DLEC1: variants seen among roughly 807,000 people sequenced by gnomAD.
DLEC1 encodes DLEC1 cilia and flagella associated protein.
A neutral mutation model predicts 198.1 loss-of-function variants in DLEC1; 146 were observed. That is an observed-to-expected ratio of 0.74 (90% confidence interval 0.64 to 0.85). The LOEUF (loss-of-function observed/expected upper bound fraction) is 0.85, where lower values mean the gene tolerates loss of function less well. Ranked by LOEUF, DLEC1 falls within the 40% of genes least tolerant of loss-of-function variation. The probability of loss-of-function intolerance (pLI) is 0.00; values close to 1 mark genes in which losing one functional copy is unlikely to be tolerated. For synonymous variants in DLEC1, 897 were observed against 866.8 expected (o/e 1.03, Z -0.61); for missense variants, 2,233 against 2,220.0 (o/e 1.01, Z -0.12).
chr3:38,084,101 G>A (rs756342989), intron 6 of DLEC1, 57 bp from the exon 7 acceptor site: 31 of 1,500,966 alleles, frequency 2.1e-5, no homozygotes, highest in Admixed American at 1.7e-4. Context: ...CCTGGACATC[G>A]TATCATTTCG....
rs180863989 is a variant in DLEC1, at chr3:38,074,691, G to T, written c.1174-9467G>T. On this transcript the variant is annotated intron_variant, in intron 6 of 36. Coordinates refer to ENST00000308059, the MANE Select transcript of DLEC1 (RefSeq NM_007335.4). ...TCCTGGAGGTCAGGTTCATGAAGCCGGCGGTTATCAGCATGAGATTGGGCT... is the reference window on the plus strand; with the variant it reads ...TCCTGGAGGTCAGGTTCATGAAGCCTGCGGTTATCAGCATGAGATTGGGCT... Among the ~76,000 whole-genome samples the T allele has an allele frequency of 5.5e-3, 833 of 152,296 alleles. 4 individuals are homozygous for T. The highest frequency in any genetic ancestry group is 0.044 in the Middle Eastern group (13 of 294).
intron 18 of DLEC1, among the ~76,000 whole-genome samples, chr3:38,098,925 C>G (rs1699169109): frequency 6.6e-6 from 1 of 152,170 alleles, no homozygotes. Flanking sequence ...TACTTTCCCT[C>G]CCAGGGCTCA....
In DLEC1 at chr3:38,096,672, G is replaced by C; in HGVS notation, c.2275G>C (p.Glu759Gln). The C allele has an allele frequency of 2.5e-6, 4 of 1,613,554 alleles. No homozygotes were observed. The highest frequency in any genetic ancestry group is 3.4e-6 in the Non-Finnish European group (4 of 1,179,980). ...GSVEPFQVLL[E>Q]PYALIIPGEN... ...AGTAGAACCTTTCCAGGTTCTCTTA[G>C]AGCCATATGCCCTCATCATCCCAGG... Residue 759 changes from glutamate to glutamine, a missense_variant, in exon 15 of 37, where the codon GAG becomes CAG. Coordinates refer to ENST00000308059, the MANE Select transcript of DLEC1 (RefSeq NM_007335.4).
At chr3:38,076,937 T>A (rs1313650990) in intron 6 of DLEC1, among the ~76,000 whole-genome samples, 1 of 152,000 alleles carries the variant, frequency 6.6e-6, no homozygotes, top group African/African-American at 2.4e-5. Flanking sequence ...AGGGGTGATA[T>A]TGTGGGGTTG....
intron 2 of DLEC1, among the ~76,000 whole-genome samples, chr3:38,056,010 G>A (rs948965114): frequency 1.9e-4 from 28 of 151,140 alleles, no homozygotes; most frequent in Non-Finnish European, 2.9e-4. Context: ...CTTGAGCCCA[G>A]GAGTTTGAGA....
rs1486404617 is a variant in DLEC1, at chr3:38,084,500, A to AGTGGTGGTGGTGGTG, written c.1261+260_1261+261insGGTGGTGGTGGTGGT. 9.1e-5 allele frequency among the ~76,000 whole-genome samples: 3 copies of AGTGGTGGTGGTGGTG among 32,894 alleles called. No individual in the cohort carries two copies. In the South Asian group the frequency reaches 2.1e-3, roughly 23 times the overall value. 21.6% of individuals were successfully genotyped at this position (32,894 alleles called of 152,430 possible). On this transcript the variant is annotated intron_variant, in intron 7 of 36. Coordinates refer to ENST00000308059, the MANE Select transcript of DLEC1 (RefSeq NM_007335.4). The stretch of plus-strand genomic sequence containing the variant: ...TGGTGGTAGTAGTGGTGGTAGTAGT[A>AGTGGTGGTGGTGGTG]GTGGTAGTAGTAGTAGTGGTAGTAG...
In DLEC1 at chr3:38,097,097, G is replaced by C. The variant is rs1007497223; in HGVS notation, c.2341-85G>C. The C allele has an allele frequency of 4.6e-6, 6 of 1,304,980 alleles. No individual in the cohort carries two copies. In the African/African-American group the frequency reaches 8.9e-5, roughly 19 times the overall value. 80.8% of individuals were successfully genotyped at this position (1,304,980 alleles called of 1,614,324 possible). ...GAAGTGTCATATGGACTCTTTACGA[G>C]CCCACAATCCTACAGTCCTTCAGCA... On this transcript the variant is annotated intron_variant, in intron 15 of 36. Coordinates refer to ENST00000308059, the MANE Select transcript of DLEC1 (RefSeq NM_007335.4).
In DLEC1 at chr3:38,062,239, G is replaced by T. The variant is rs761685604; in HGVS notation, c.744G>T (p.Leu248=). 3.7e-6 allele frequency: 6 copies of T among 1,614,088 alleles called. No individual in the cohort carries two copies. Among genetic ancestry groups the T allele is most frequent in the Non-Finnish European group, 8.5e-7 (1 of 1,180,052 alleles). Residue 248 remains leucine, a synonymous_variant, in exon 4 of 37, where the codon CTG becomes CTT. Coordinates refer to ENST00000308059, the MANE Select transcript of DLEC1 (RefSeq NM_007335.4). Reference sequence around the variant, plus strand: ...AGCGTTCCGTCCAGAAGAAAGAGCTGAACAAGAAGCTTGAAGATTCATGCA... The same window carrying T: ...AGCGTTCCGTCCAGAAGAAAGAGCTTAACAAGAAGCTTGAAGATTCATGCA... ...CEKRSVQKKE[L]NKKLEDSCRK...
chr3:38,107,675 A>T lies in DLEC1; in HGVS notation c.2956A>T (p.Thr986Ser). 1 of 1,614,176 alleles carries T rather than the reference A, an allele frequency of 6.2e-7. No homozygotes were observed. Among genetic ancestry groups the T allele is most frequent in the Non-Finnish European group, 8.5e-7 (1 of 1,180,024 alleles). The change falls in exon 20 of 37, where the codon ACG (threonine) becomes TCG (serine). Residue 986 changes from threonine to serine, a missense_variant. By Grantham distance (58) the Thr-to-Ser change is moderately conservative. Coordinates refer to ENST00000308059, the MANE Select transcript of DLEC1 (RefSeq NM_007335.4). ...TAGAAATCTCTACCTGGGTGTGCCC[A>T]CGAAGACAACCATCACACTTATCAA... Reference protein sequence around the residue: ...EVRNLYLGVPTKTTITLINGT... With the variant: ...EVRNLYLGVPSKTTITLINGT...
At chr3:38,093,566 A>C in intron 11 of DLEC1, 39 bp from the exon 12 acceptor site, 1 of 1,612,810 alleles carries the variant, frequency 6.2e-7, no homozygotes, top group Non-Finnish European at 8.5e-7. Context: ...TTTCAGCCCT[A>C]GTGAGCCTTC....
At chr3:38,091,667 A>C (rs1698752240) in intron 10 of DLEC1, among the ~76,000 whole-genome samples, 1 of 152,164 alleles carries the variant, frequency 6.6e-6, no homozygotes, top group African/African-American at 2.4e-5. Context: ...ATAGCAAGAA[A>C]ACAACCTGCT....
At chr3:38,040,250 G>A (rs1465008397) in intron 1 of DLEC1, among the ~76,000 whole-genome samples, 1 of 152,052 alleles carries the variant, frequency 6.6e-6, no homozygotes, top group Non-Finnish European at 1.5e-5. Context: ...TTTCTGTTCT[G>A]TCCTCTACCT....
At position 38,045,424 on chromosome 3, in the gene DLEC1, A is replaced by G. The variant is rs560884619; in HGVS notation, c.412-119A>G. 480 of 1,331,548 alleles carry G rather than the reference A, an allele frequency of 3.6e-4. 2 individuals carry two copies. Among genetic ancestry groups the G allele is most frequent in the Middle Eastern group, 2.1e-3 (10 of 4,816 alleles). The allele number at this position is 1,331,548 out of a possible 1,614,324, so 82.5% of individuals were successfully genotyped here. ...GTAGTTCAGACCAGATGGTTGGAAT[A>G]GTTCTCTGACTATTCTATGCTTCAC... On this transcript the variant is annotated intron_variant, in intron 1 of 36. Transcript: ENST00000308059.
intron 1 of DLEC1, among the ~76,000 whole-genome samples, chr3:38,045,225 A>G (rs1700829762): frequency 6.6e-6 from 1 of 152,150 alleles, no homozygotes; most frequent in African/African-American, 2.4e-5. Flanking sequence ...TTGAACGTGG[A>G]TCTGGGTGGC....
chr3:38,058,811 T>C (rs1184178541), intron 2 of DLEC1, among the ~76,000 whole-genome samples: 1 of 152,134 alleles, frequency 6.6e-6, no homozygotes, highest in Non-Finnish European at 1.5e-5. Context: ...GTGGAGGCTG[T>C]GCATGCAGGG....
At chr3:38,081,985 C>T in intron 6 of DLEC1, among the ~76,000 whole-genome samples, 1 of 135,074 alleles carries the variant, frequency 7.4e-6, no homozygotes, top group East Asian at 2.4e-4. Flanking sequence ...CGGAGAGGCT[C>T]CTCACTTCTC....
intron 27 of DLEC1, 58 bp from the exon 28 acceptor site, chr3:38,116,395 C>T: frequency 6.3e-7 from 1 of 1,586,740 alleles, no homozygotes; most frequent in Non-Finnish European, 8.6e-7. Flanking sequence ...AGGAGGGGGC[C>T]CCGGGGGGTT....
chr3:38,118,087 C>A, intron 33 of DLEC1, 63 bp downstream of exon 33: 4 of 1,512,104 alleles, frequency 2.6e-6, no homozygotes, highest in East Asian at 2.5e-5. Flanking sequence ...ACAGACAGCA[C>A]CCCTGCACGC....
intron 11 of DLEC1, among the ~76,000 whole-genome samples, chr3:38,093,371 C>T (rs1698839888): frequency 6.6e-6 from 1 of 151,864 alleles, no homozygotes; most frequent in South Asian, 2.1e-4. Context: ...CTCCCTTCCT[C>T]ATTAATTGAG....
Sources: allele counts gnomAD v4.1 joint callset (sites outside exome capture counted in the v4.1 genomes callset), GRCh38; gene constraint gnomAD v4.1.1; transcripts MANE v1.5; gene names NCBI Gene and HGNC (gene_info 2026-07-23, HGNC 2026-07-21).